DNAAF11: variants seen among roughly 807,000 people sequenced by gnomAD.
The protein encoded by DNAAF11 is leucine rich repeat containing 6.
In DNAAF11, 45 loss-of-function variants were observed where a neutral mutation model predicts 60.8. The ratio of observed to expected loss-of-function variants is 0.74; its 90% confidence interval spans 0.58 to 0.95. DNAAF11 has a LOEUF of 0.95. DNAAF11 is among the 40% of genes least tolerant of loss of function. DNAAF11 has a pLI of 0.00. For synonymous variants in DNAAF11, 191 were observed against 183.5 expected (o/e 1.04, Z -0.33); for missense variants, 546 against 546.2 (o/e 1.00, Z 0.00).
chr8:132,591,821 T>A (rs1816497502), intron 10 of DNAAF11, among the ~76,000 whole-genome samples: 2 of 152,132 alleles, frequency 1.3e-5, no homozygotes, highest in Admixed American at 6.5e-5. Flanking sequence ...CATACAACTC[T>A]TAGATTGTAA....
intron 8 of DNAAF11, among the ~76,000 whole-genome samples, chr8:132,612,143 C>T (rs768337629): frequency 4.0e-4 from 61 of 152,210 alleles, no homozygotes; most frequent in Middle Eastern, 6.8e-3. Flanking sequence ...TGCTTTATTA[C>T]CTGGGACCAC....
chr8:132,591,526 C>T (rs1302696539), intron 10 of DNAAF11, among the ~76,000 whole-genome samples: 1 of 151,872 alleles, frequency 6.6e-6, no homozygotes, highest in Non-Finnish European at 1.5e-5. Context: ...TCGTTTCCCA[C>T]CTTTCTATTA....
At chr8:132,675,725 C>T (rs142635986), upstream of DNAAF11, 3 of 421,622 alleles carry the variant, frequency 7.1e-6, no homozygotes, top group East Asian at 3.6e-5. Flanking sequence ...CCAACCCAAA[C>T]CCAGTCTTCG....
At chr8:132,697,467 A>G in the DNAAF11 span, among the ~76,000 whole-genome samples, 4 of 152,090 alleles carry the variant, frequency 2.6e-5, no homozygotes, top group Non-Finnish European at 5.9e-5. Context: ...AAATTACAAA[A>G]ATTAGCTGGG....
the DNAAF11 span, among the ~76,000 whole-genome samples, chr8:132,689,427 T>C: frequency 6.6e-6 from 1 of 152,206 alleles, no homozygotes; most frequent in Non-Finnish European, 1.5e-5. Flanking sequence ...TGATATATGC[T>C]TATTATATCA....
intron 4 of DNAAF11, among the ~76,000 whole-genome samples, chr8:132,637,553 C>T (rs996151127): frequency 6.0e-5 from 9 of 151,068 alleles, no homozygotes; most frequent in African/African-American, 2.2e-4. Context: ...TGCAGTGAGC[C>T]GAGATCGTGC....
intron 1 of DNAAF11, chr8:132,675,234 T>C: frequency 4.6e-6 from 2 of 435,194 alleles, no homozygotes; most frequent in Non-Finnish European, 4.2e-6. Context: ...TGCCTCTTCC[T>C]CCCCTTCCCA....
chr8:132,625,600 G>A, intron 5 of DNAAF11, 146 bp from the exon 6 acceptor site: 1 of 646,726 alleles, frequency 1.5e-6, no homozygotes, highest in Non-Finnish European at 2.5e-6. Flanking sequence ...AGTTTAACCA[G>A]GCCTGGTTAC....
At chr8:132,697,075 C>T in the DNAAF11 span, among the ~76,000 whole-genome samples, 11 of 152,172 alleles carry the variant, frequency 7.2e-5, no homozygotes, top group African/African-American at 2.4e-4. Context: ...AACACAAAGA[C>T]CGCATATTGC....
rs1309984131 is a variant in DNAAF11 at position 132,572,342 on chromosome 8, G to T, written c.1365C>A (p.Thr455=). 1 of 1,613,740 alleles carries T rather than the reference G, an allele frequency of 6.2e-7. No individual in the cohort carries two copies. The highest frequency in any genetic ancestry group is 2.2e-5 in the East Asian group (1 of 44,884). The change falls in exon 12 of 12, where the codon ACC becomes ACA. Residue 455 remains threonine (T), a synonymous_variant. Transcript: ENST00000620350. ...PKIIPSEEDP[T]FEDNPEVPPL... is the part of the protein sequence containing the mutation. ...GAGGCACTTCAGGGTTGTCTTCAAA[G>T]GTTGGGTCTTCCTCACTTGGTATAA... is the stretch of plus-strand genomic sequence containing the variant.
upstream of DNAAF11, among the ~76,000 whole-genome samples, chr8:132,675,794 A>G (rs559448750): frequency 7.4e-4 from 112 of 152,336 alleles, 1 homozygote; most frequent in African/African-American, 2.6e-3. Context: ...TCAATGGTTT[A>G]GAGTGAACAA....
In DNAAF11 at chr8:132,602,518, T is replaced by C. The variant is rs144586376; in HGVS notation, c.1140+7648A>G. Reference sequence around the variant, plus strand: ...ATAAACTACTCTACTGCAATCCCTATGTAAATTTCTGCTTCTGAAAGACAC... The same window carrying C: ...ATAAACTACTCTACTGCAATCCCTACGTAAATTTCTGCTTCTGAAAGACAC... On this transcript the variant is annotated intron_variant, in intron 10 of 11. Transcript: ENST00000620350. 4.2e-3 allele frequency among the ~76,000 whole-genome samples: 636 copies of C among 152,242 alleles called. 10 individuals carry two copies. Among genetic ancestry groups the C allele is most frequent in the African/African-American group, 0.014 (595 of 41,548 alleles).
chr8:132,675,519 G>A lies in DNAAF11; in HGVS notation c.-26C>T, dbSNP rs765735685. The A allele has an allele frequency of 1.9e-6, 3 of 1,554,428 alleles. No individual in the cohort carries two copies. The South Asian group carries it at 3.5e-5, about 18-fold the overall frequency. ...GGCGCCTCTCCAGTTCGCTGACCCC[G>A]CAAGCCGGACCCGGACCTCGAATGA... On this transcript the variant is annotated 5_prime_UTR_variant, in exon 1 of 12. Coordinates refer to ENST00000620350, the MANE Select transcript of DNAAF11 (RefSeq NM_012472.6).
In DNAAF11 at chr8:132,572,420, A is replaced by G. The variant is rs1299258640; in HGVS notation, c.1287T>C (p.Thr429=). ...DPSKHSFPDV[T]NIVQEKKHTP... ...TGTGTTTTTTCTCTTGAACTATGTTAGTCACATCAGGGAATGAGTGCTTGC... is the reference window on the plus strand; with the variant it reads ...TGTGTTTTTTCTCTTGAACTATGTTGGTCACATCAGGGAATGAGTGCTTGC... The change falls in exon 12 of 12, where the codon ACT becomes ACC. Residue 429 remains threonine (T), a synonymous_variant. Coordinates refer to ENST00000620350, the MANE Select transcript of DNAAF11 (RefSeq NM_012472.6). The G allele has an allele frequency of 6.2e-7, 1 of 1,613,572 alleles. No homozygotes were observed. The highest frequency in any genetic ancestry group is 8.5e-7 in the Non-Finnish European group (1 of 1,179,614).
At chr8:132,673,628 A>G (rs1825401902) in intron 1 of DNAAF11, among the ~76,000 whole-genome samples, 1 of 151,898 alleles carries the variant, frequency 6.6e-6, no homozygotes, top group South Asian at 2.1e-4. Context: ...GTCAGTGACA[A>G]TTAGCCACCA....
the DNAAF11 span, among the ~76,000 whole-genome samples, chr8:132,682,815 C>A: frequency 2.0e-4 from 30 of 152,304 alleles, no homozygotes; most frequent in African/African-American, 6.7e-4. Context: ...GGGCTTCAGG[C>A]CGCTTCCACT....
Position 132,630,028 on chromosome 8 carries a change from C to G in DNAAF11, c.653+2712G>C, listed in dbSNP as rs370274812. Among the ~76,000 whole-genome samples the G allele has an allele frequency of 9.9e-5, 15 of 152,246 alleles. 1 individual carries two copies. The South Asian group carries it at 2.9e-3, about 29-fold the overall frequency. On this transcript the variant is annotated intron_variant, in intron 5 of 11. Transcript: ENST00000620350. The stretch of plus-strand genomic sequence containing the variant: ...TAAATAGAGCTCTTCCAAGGTTCAG[C>G]AAGGAAAGAATCAATGTCATGAAGA...
intron 3 of DNAAF11, among the ~76,000 whole-genome samples, chr8:132,656,064 C>A (rs1823535924): frequency 6.6e-6 from 1 of 152,208 alleles, no homozygotes. Context: ...CTTACTGTAG[C>A]CATGCTTATT....
At chr8:132,666,155 T>C (rs1824605668) in intron 1 of DNAAF11, among the ~76,000 whole-genome samples, 1 of 152,158 alleles carries the variant, frequency 6.6e-6, no homozygotes, top group Non-Finnish European at 1.5e-5. Context: ...TGTTCACTGT[T>C]TGGGTTAGGG....
Sources: allele counts gnomAD v4.1 joint callset (sites outside exome capture counted in the v4.1 genomes callset), GRCh38; gene constraint gnomAD v4.1.1; transcripts MANE v1.5; gene names NCBI Gene and HGNC (gene_info 2026-07-23, HGNC 2026-07-21).